The following RPS29 variants were observed in gnomAD, a reference collection of about 807,000 sequenced individuals.
The protein encoded by RPS29 is ribosomal protein S29.
For synonymous variants in RPS29, 37 were observed against 26.9 expected (o/e 1.37, Z -1.16); for missense variants, 60 against 75.7 (o/e 0.79, Z 0.77).
exon 3 of RPS29, chr14:49,575,611 C>T (rs1881159000): frequency 6.6e-6 from 1 of 152,132 alleles, no homozygotes; most frequent in Non-Finnish European, 1.5e-5. Flanking sequence ...CTTTGGGAGA[C>T]TAGGAAGGGA....
At chr14:49,583,893 C>G (rs1391240795) in intron 2 of RPS29, among the ~76,000 whole-genome samples, 1 of 152,230 alleles carries the variant, frequency 6.6e-6, no homozygotes, top group African/African-American at 2.4e-5. Flanking sequence ...TATCGCACTT[C>G]TTCCATCAAA....
exon 3 of RPS29, chr14:49,577,644 G>A: frequency 1.4e-6 from 1 of 720,656 alleles, no homozygotes; most frequent in Non-Finnish European, 2.5e-6. Context: ...GCATAGATCT[G>A]GCCCTCAAAC....
intron 1 of RPS29, among the ~76,000 whole-genome samples, chr14:49,595,700 A>C (rs1000798351): frequency 6.6e-6 from 1 of 152,024 alleles, no homozygotes; most frequent in Non-Finnish European, 1.5e-5. Flanking sequence ...CACTATGACT[A>C]CAAATGAAAA....
chr14:49,583,019 T>C (rs552405657), downstream of RPS29, among the ~76,000 whole-genome samples: 47 of 152,316 alleles, frequency 3.1e-4, no homozygotes, highest in African/African-American at 1.0e-3. Flanking sequence ...AAAACATTTT[T>C]TTCTTTAAAG....
chr14:49,598,317 C>G (rs577356508), intron 1 of RPS29: 2 of 608,574 alleles, frequency 3.3e-6, no homozygotes, highest in Admixed American at 2.9e-5. Flanking sequence ...TCAAGAAAAT[C>G]AAGAGTACGA....
exon 3 of RPS29, chr14:49,575,065 G>A (rs1881143682): frequency 6.6e-6 from 1 of 152,376 alleles, no homozygotes; most frequent in Non-Finnish European, 1.5e-5. Flanking sequence ...TTTTGAGACG[G>A]AGTCTCGCTC....
At chr14:49,591,383 G>A (rs1420325156) in intron 1 of RPS29, among the ~76,000 whole-genome samples, 1 of 151,934 alleles carries the variant, frequency 6.6e-6, no homozygotes, top group East Asian at 1.9e-4. Context: ...CTCAATCTCA[G>A]CTCAGGGCAA....
chr14:49,585,331 G>T (rs1258982788), intron 2 of RPS29: 1 of 150,196 alleles, frequency 6.7e-6, no homozygotes, highest in Non-Finnish European at 1.5e-5. Flanking sequence ...TCACGCCATC[G>T]CACTCCAGGT....
At chr14:49,574,320 T>G (rs968491069) in exon 3 of RPS29, 2 of 152,220 alleles carry the variant, frequency 1.3e-5, no homozygotes, top group Non-Finnish European at 2.9e-5. Context: ...CTTACAACAT[T>G]ATTATTAAAC....
exon 3 of RPS29, chr14:49,573,081 G>GAAAGAAAGAAAGA (rs1555322422): frequency 6.8e-6 from 1 of 146,168 alleles, no homozygotes; most frequent in African/African-American, 2.6e-5. Flanking sequence ...AGAAAAAAAA[G>GAAAGAAAGAAAGA]AAGAAAGAAA....
chr14:49,591,992 A>G (rs1229597195), intron 1 of RPS29, among the ~76,000 whole-genome samples: 1 of 152,112 alleles, frequency 6.6e-6, no homozygotes, highest in African/African-American at 2.4e-5. Context: ...GTATTTTCCT[A>G]TGTTTATAAG....
rs1881728126 is a variant in RPS29 at position 49,592,221 on chromosome 14, T to A, written c.-132-5743A>T. On this transcript the variant is annotated intron_variant, in intron 1 of 3. Transcript: ENST00000556230. ...ATATTTTTCCATGCAAAAAGTTTTT[T>A]TTTTTATTTTTTATTTTTGGCTAGT... 2.6e-5 allele frequency: 4 copies of A among 152,166 alleles called. No homozygotes were observed. The South Asian group carries it at 8.3e-4, about 32-fold the overall frequency. 9.4% of individuals were successfully genotyped at this position (152,166 alleles called of 1,614,324 possible). A position where few individuals can be genotyped will look rare whatever the true frequency, so the allele number is the denominator to read the frequency against.
chr14:49,585,766 T>G, intron 2 of RPS29, 184 bp downstream of exon 2: 1 of 585,982 alleles, frequency 1.7e-6, no homozygotes, highest in Non-Finnish European at 3.1e-6. Context: ...TCCATTCTAT[T>G]AATTTGATTG....
At chr14:49,582,624 G>A (rs147579163), downstream of RPS29, among the ~76,000 whole-genome samples, 139 of 152,308 alleles carry the variant, frequency 9.1e-4, no homozygotes, top group African/African-American at 3.0e-3. Context: ...TCAAGTATTT[G>A]TACAATTGTT....
At chr14:49,577,405 G>A in exon 3 of RPS29, 1 of 268,418 alleles carries the variant, frequency 3.7e-6, no homozygotes, top group South Asian at 4.7e-5. Context: ...TTCACTTTCT[G>A]CACTGTGCAG....
At position 49,586,352 on chromosome 14, in the gene RPS29, T is replaced by C; in HGVS notation, c.-6A>G. 2 of 1,613,754 alleles carry C rather than the reference T, an allele frequency of 1.2e-6. No homozygotes were observed. Among genetic ancestry groups the C allele is most frequent in the South Asian group, 1.1e-5 (1 of 91,070 alleles). ...TACAGCTGCTGGTGACCCATCTTGC[T>C]CTCAGCAGTGCAACGAGGTAAAAGG... On this transcript the variant is annotated 5_prime_UTR_variant, in exon 1 of 3. Transcript: ENST00000245458.
chr14:49,580,187 CA>C (rs1353245836), downstream of RPS29, among the ~76,000 whole-genome samples: 1 of 152,162 alleles, frequency 6.6e-6, no homozygotes, highest in Non-Finnish European at 1.5e-5. Context: ...ATGACCAAAT[CA>C]AACACATATC....
At chr14:49,586,129 G>C (rs566986592) in intron 1 of RPS29, 80 bp from the exon 2 acceptor site, 4 of 1,436,464 alleles carry the variant, frequency 2.8e-6, no homozygotes, top group Admixed American at 1.7e-5. Context: ...CCCGCATCCC[G>C]GGACTCCCAA....
intron 2 of RPS29, 190 bp downstream of exon 2, chr14:49,585,760 T>C: frequency 1.7e-6 from 1 of 578,056 alleles, no homozygotes; most frequent in South Asian, 2.2e-5. Flanking sequence ...ACCTTCTCCA[T>C]TCTATTAATT....
Sources: allele counts gnomAD v4.1 joint callset (sites outside exome capture counted in the v4.1 genomes callset), GRCh38; gene constraint gnomAD v4.1.1; transcripts MANE v1.5; gene names NCBI Gene and HGNC (gene_info 2026-07-23, HGNC 2026-07-21).